Variants in REEP3 observed in about 807,000 individuals in gnomAD.
REEP3 encodes receptor accessory protein 3, also known as receptor expression-enhancing protein 3.
Under a neutral mutation model 41.3 loss-of-function variants are expected in REEP3, and 20 were observed. The observed-to-expected ratio is 0.48, with a 90% CI of 0.34 to 0.70. The LOEUF (loss-of-function observed/expected upper bound fraction) is 0.70. REEP3 is among the 30% of genes least tolerant of loss of function. The pLI, the probability that REEP3 is intolerant of heterozygous loss-of-function variation, is 0.01. For synonymous variants in REEP3, 104 were observed against 101.8 expected (o/e 1.02, Z -0.13); for missense variants, 271 against 308.8 (o/e 0.88, Z 0.92).
chr10:63,575,637 T>C (rs1430350084), intron 2 of REEP3, among the ~76,000 whole-genome samples: 1 of 152,204 alleles, frequency 6.6e-6, no homozygotes, highest in Non-Finnish European at 1.5e-5. Context: ...CAGTTTTATC[T>C]TCTAACCCTT....
rs1177871985 is a variant in REEP3, at chr10:63,624,605, A to G, written c.*3736A>G. 6.6e-6 allele frequency: 1 copy of G among 152,244 alleles called. No homozygotes were observed. Among genetic ancestry groups the G allele is most frequent in the East Asian group, 1.9e-4 (1 of 5,190 alleles). The allele number at this position is 152,244 out of a possible 1,614,324, so 9.4% of individuals were successfully genotyped here. A position where few individuals can be genotyped will look rare whatever the true frequency, so the allele number is the denominator to read the frequency against. The stretch of plus-strand genomic sequence containing the variant: ...CGCGTTTCTTTTTTTATGCCAGAGT[A>G]CATATGTTGGATTCCATGAATTGGT... On this transcript the variant is annotated 3_prime_UTR_variant, in exon 8 of 8. Transcript: ENST00000373758.
At chr10:63,599,718 C>T (rs775957123) in intron 5 of REEP3, 2 of 981,512 alleles carry the variant, frequency 2.0e-6, no homozygotes, top group African/African-American at 1.8e-5. Flanking sequence ...TTGAGGTAAC[C>T]GATTATTCAA....
chr10:63,611,776 C>CA (rs1207292417), intron 6 of REEP3, among the ~76,000 whole-genome samples: 10 of 147,336 alleles, frequency 6.8e-5, no homozygotes, highest in Admixed American at 1.3e-4. Flanking sequence ...AATATCTCTG[C>CA]AAAAAAAAAT....
At chr10:63,594,149 G>A (rs994334856) in intron 2 of REEP3, among the ~76,000 whole-genome samples, 16 of 151,432 alleles carry the variant, frequency 1.1e-4, no homozygotes, top group African/African-American at 3.6e-4. Context: ...AGGCCGAGAC[G>A]GACAGATAGC....
intron 1 of REEP3, among the ~76,000 whole-genome samples, chr10:63,525,452 C>G (rs1353266308): frequency 2.6e-5 from 4 of 151,134 alleles, no homozygotes; most frequent in African/African-American, 9.7e-5. Flanking sequence ...GAGTTTTTCT[C>G]TTGGTGTACA....
At chr10:63,587,393 G>T (rs1252642766) in intron 2 of REEP3, among the ~76,000 whole-genome samples, 1 of 152,210 alleles carries the variant, frequency 6.6e-6, no homozygotes, top group Non-Finnish European at 1.5e-5. Flanking sequence ...ACAGATGGCA[G>T]CTAATAGTAC....
intron 2 of REEP3, among the ~76,000 whole-genome samples, chr10:63,567,531 T>C (rs900685234): frequency 6.6e-6 from 1 of 152,220 alleles, no homozygotes; most frequent in African/African-American, 2.4e-5. Flanking sequence ...CATTCCTTTT[T>C]ATGGCTGAGT....
At chr10:63,576,346 T>A (rs533055218) in intron 2 of REEP3, among the ~76,000 whole-genome samples, 1 of 152,318 alleles carries the variant, frequency 6.6e-6, no homozygotes, top group East Asian at 1.9e-4. Flanking sequence ...CTTGAAGTCC[T>A]TAATTTCATA....
At position 63,529,520 on chromosome 10, in the gene REEP3, T is replaced by C. The variant is rs573729905; in HGVS notation, c.32+7943T>C. Among the ~76,000 whole-genome samples, 238 of 152,196 alleles carry C rather than the reference T, an allele frequency of 1.6e-3. 1 individual carries two copies. The highest frequency in any genetic ancestry group is 4.9e-3 in the African/African-American group (204 of 41,526). ...TCATCCAGGCTGGAGTACAGTGCAG[T>C]GACATGATCCTGGTTCACTGGAGCC... On this transcript the variant is annotated intron_variant, in intron 1 of 7. Coordinates refer to ENST00000373758, the MANE Select transcript of REEP3 (RefSeq NM_001001330.3).
intron 6 of REEP3, among the ~76,000 whole-genome samples, chr10:63,617,814 T>A (rs1331510033): frequency 6.6e-4 from 31 of 47,202 alleles, no homozygotes; most frequent in African/African-American, 3.1e-3. Context: ...CTTCTACTCT[T>A]TTTTTTTTTT....
At chr10:63,562,429 G>A (rs1056085558) in intron 1 of REEP3, 3 of 377,198 alleles carry the variant, frequency 8.0e-6, no homozygotes, top group African/African-American at 2.1e-5. Context: ...GCTAATTTTT[G>A]TATTTTTAGT....
At chr10:63,545,549 A>G (rs1160994902) in intron 1 of REEP3, among the ~76,000 whole-genome samples, 1 of 151,776 alleles carries the variant, frequency 6.6e-6, no homozygotes, top group African/African-American at 2.4e-5. Flanking sequence ...TAATTTTTGC[A>G]TTTTTAGTAG....
intron 2 of REEP3, among the ~76,000 whole-genome samples, chr10:63,575,805 C>T (rs1028647730): frequency 6.6e-6 from 1 of 152,222 alleles, no homozygotes; most frequent in Non-Finnish European, 1.5e-5. Context: ...GCAATCTCGG[C>T]TCACCGCAAC....
chr10:63,591,318 G>T (rs1473881830), intron 2 of REEP3, among the ~76,000 whole-genome samples: 2 of 151,774 alleles, frequency 1.3e-5, no homozygotes, highest in African/African-American at 4.8e-5. Context: ...CTTTCTTTAT[G>T]GTTGCTTCCA....
chr10:63,580,683 AAATTT>A (rs1955945550), intron 2 of REEP3, among the ~76,000 whole-genome samples: 1 of 152,192 alleles, frequency 6.6e-6, no homozygotes, highest in African/African-American at 2.4e-5. Flanking sequence ...AAGCAGTACT[AAATTT>A]AAGTGACATA....
chr10:63,603,139 C>T (rs957805490), intron 5 of REEP3, among the ~76,000 whole-genome samples: 1 of 151,450 alleles, frequency 6.6e-6, no homozygotes, highest in African/African-American at 2.4e-5. Flanking sequence ...CAGTGAAACC[C>T]CATCTCTACT....
intron 2 of REEP3, among the ~76,000 whole-genome samples, chr10:63,578,209 C>G (rs1464046770): frequency 2.0e-5 from 3 of 152,282 alleles, no homozygotes; most frequent in Admixed American, 6.5e-5. Flanking sequence ...AAGCGATTCT[C>G]TTGCCTCAGC....
intron 2 of REEP3, among the ~76,000 whole-genome samples, chr10:63,576,238 C>T (rs939990793): frequency 9.2e-5 from 14 of 152,206 alleles, no homozygotes; most frequent in African/African-American, 3.4e-4. Context: ...AGTGATCTGA[C>T]TAGACTATAG....
chr10:63,581,321 T>C (rs1955951977), intron 2 of REEP3, among the ~76,000 whole-genome samples: 1 of 151,948 alleles, frequency 6.6e-6, no homozygotes, highest in East Asian at 1.9e-4. Flanking sequence ...ATAAAATCAC[T>C]CTCCAAAACG....
Sources: gnomAD v4.1 joint callset for allele counts (sites outside exome capture counted in the v4.1 genomes callset) on GRCh38, gnomAD v4.1.1 for gene constraint, MANE v1.5 for transcripts, NCBI Gene and HGNC (gene_info 2026-07-23, HGNC 2026-07-21) for gene names.